The following BMPR1B variants were observed in gnomAD, a reference collection of about 807,000 sequenced individuals.
BMPR1B encodes the protein bone morphogenetic protein receptor type-1B.
BMPR1B carries 12 observed loss-of-function variants against 59.1 expected under a neutral mutation model. The observed-to-expected ratio is 0.20, with a 90% CI of 0.13 to 0.33. The LOEUF is 0.33. Ranked by LOEUF, BMPR1B falls within the 10% of genes least tolerant of loss-of-function variation. The pLI is 1.00. For synonymous variants in BMPR1B, 237 were observed against 207.3 expected (o/e 1.14, Z -1.23); for missense variants, 550 against 610.9 (o/e 0.90, Z 1.05).
chr4:94,975,357 G>GTTTTTTTTT (rs1177887549), intron 2 of BMPR1B, among the ~76,000 whole-genome samples: 3 of 94,220 alleles, frequency 3.2e-5, no homozygotes, highest in Non-Finnish European at 4.0e-5. Flanking sequence ...ATTTCCTTTT[G>GTTTTTTTTT]TTTTTGTTTT....
chr4:94,766,202 G>A (rs1461442290), intron 1 of BMPR1B, among the ~76,000 whole-genome samples: 1 of 151,988 alleles, frequency 6.6e-6, no homozygotes, highest in African/African-American at 2.4e-5. Context: ...CCCCAAAAGT[G>A]GTATTTGATC....
chr4:94,991,215 C>T (rs1423621909), intron 2 of BMPR1B, among the ~76,000 whole-genome samples: 1 of 152,110 alleles, frequency 6.6e-6, no homozygotes, highest in Non-Finnish European at 1.5e-5. Context: ...AGTCTTTATG[C>T]CCTTGTCTTC....
chr4:95,148,863 G>A lies in BMPR1B; in HGVS notation c.1192G>A (p.Ala398Thr), dbSNP rs1276820746. The A allele has an allele frequency of 1.9e-6, 3 of 1,614,030 alleles. No homozygotes were observed. The highest frequency in any genetic ancestry group is 3.3e-5 in the Admixed American group (2 of 59,990). Residue 398 changes from alanine (A) to threonine (T), a missense_variant, in exon 11 of 13, where the codon GCT becomes ACT. Ala to Thr is a moderately conservative substitution (Grantham distance 58). Transcript: ENST00000515059. ...AAATCACTTCCAGTCTTACATCATG[G>A]CTGACATGTATAGTTTTGGCCTCAT... ...NRNHFQSYIM[A>T]DMYSFGLILW...
At position 95,102,248 on chromosome 4, in the gene BMPR1B, C is replaced by T. The variant is rs115346974; in HGVS notation, c.-17-2160C>T. ...TAAAATGTTTCTTAGAAAATAGCAT[C>T]TTACTTCCAATCACATGAGGATATT... is the stretch of plus-strand genomic sequence containing the variant. On this transcript the variant is annotated intron_variant, in intron 3 of 12. Transcript: ENST00000515059. Among the ~76,000 whole-genome samples, 556 of 152,266 alleles carry T rather than the reference C, an allele frequency of 3.7e-3. 2 individuals are homozygous for T. Among genetic ancestry groups the T allele is most frequent in the African/African-American group, 0.013 (529 of 41,548 alleles).
At chr4:95,010,246 T>A (rs555613055) in intron 3 of BMPR1B, among the ~76,000 whole-genome samples, 204 of 152,322 alleles carry the variant, frequency 1.3e-3, no homozygotes, top group African/African-American at 4.9e-3. Context: ...CATATTGCTG[T>A]TATTCTGTAC....
intron 3 of BMPR1B, among the ~76,000 whole-genome samples, chr4:95,086,998 CTTTTTTTTTTTTT>C (rs34460668): frequency 9.7e-6 from 1 of 103,104 alleles, no homozygotes; most frequent in African/African-American, 4.1e-5. Flanking sequence ...TCATATCCTT[CTTTTTTTTTTTTT>C]TTTTTTTTTT....
intron 1 of BMPR1B, among the ~76,000 whole-genome samples, chr4:94,844,814 A>G (rs1328490703): frequency 6.6e-6 from 1 of 152,256 alleles, no homozygotes; most frequent in African/African-American, 2.4e-5. Flanking sequence ...AATCAATTTC[A>G]TATTGATCAC....
intron 2 of BMPR1B, among the ~76,000 whole-genome samples, chr4:94,907,449 A>C (rs910572071): frequency 1.4e-4 from 21 of 152,080 alleles, no homozygotes; most frequent in Admixed American, 1.4e-3. Flanking sequence ...AGGAGCTTTC[A>C]GTTCAGCACT....
intron 1 of BMPR1B, among the ~76,000 whole-genome samples, 166 bp from the exon 2 acceptor site, chr4:94,875,665 T>C (rs13133160): frequency 0.18 from 26,763 of 152,110 alleles, 2,464 homozygotes; most frequent in South Asian, 0.22. Flanking sequence ...GCCTGGGCGA[T>C]GGAGCGAGAC....
intron 3 of BMPR1B, among the ~76,000 whole-genome samples, chr4:95,026,899 T>A (rs1203040901): frequency 2.0e-5 from 3 of 151,826 alleles, no homozygotes; most frequent in Non-Finnish European, 4.4e-5. Context: ...TAGCTGGGAC[T>A]AAAGGCATGC....
intron 2 of BMPR1B, among the ~76,000 whole-genome samples, chr4:94,985,789 T>C (rs1721370007): frequency 1.3e-5 from 2 of 152,174 alleles, no homozygotes; most frequent in African/African-American, 4.8e-5. Context: ...TTACCTGCTT[T>C]GAAGTTCACT....
intron 2 of BMPR1B, among the ~76,000 whole-genome samples, chr4:94,993,443 T>G (rs1721869323): frequency 6.6e-6 from 1 of 152,148 alleles, no homozygotes; most frequent in Non-Finnish European, 1.5e-5. Context: ...AAAATTCAAC[T>G]AATGCATTAA....
At chr4:95,114,929 T>A in intron 5 of BMPR1B, 107 bp downstream of exon 5, 3 of 1,053,254 alleles carry the variant, frequency 2.8e-6, no homozygotes, top group Non-Finnish European at 4.5e-6. Context: ...TTTAGTATAG[T>A]CATGAGCTGC....
chr4:94,940,585 C>G (rs1729474307), intron 2 of BMPR1B, among the ~76,000 whole-genome samples: 1 of 152,132 alleles, frequency 6.6e-6, no homozygotes, highest in Non-Finnish European at 1.5e-5. Flanking sequence ...TACGTGTAAG[C>G]TGTGTTCATT....
At chr4:95,020,633 G>A (rs898451921) in intron 3 of BMPR1B, among the ~76,000 whole-genome samples, 4 of 151,826 alleles carry the variant, frequency 2.6e-5, no homozygotes, top group Non-Finnish European at 4.4e-5. Context: ...TAATATTGCT[G>A]GGATTGAGAA....
chr4:94,999,867 A>G (rs1450266810), intron 3 of BMPR1B, among the ~76,000 whole-genome samples: 5 of 152,216 alleles, frequency 3.3e-5, no homozygotes, highest in African/African-American at 1.2e-4. Context: ...GAAAGGTGAT[A>G]TTCCATTTCA....
chr4:94,839,473 G>A (rs1258748329), intron 1 of BMPR1B, among the ~76,000 whole-genome samples: 73 of 147,866 alleles, frequency 4.9e-4, no homozygotes, highest in Non-Finnish European at 7.1e-4. Flanking sequence ...ATTTAGGATA[G>A]TTAACTCTTC....
At chr4:95,095,646 A>G (rs1019635637) in intron 3 of BMPR1B, among the ~76,000 whole-genome samples, 3 of 152,136 alleles carry the variant, frequency 2.0e-5, no homozygotes, top group African/African-American at 7.2e-5. Flanking sequence ...ATAAAGGAAG[A>G]TAGATTATTA....
intron 1 of BMPR1B, among the ~76,000 whole-genome samples, chr4:94,869,095 AACACACACACACAC>A (rs59407857): frequency 0.019 from 2,806 of 144,610 alleles, 74 homozygotes; most frequent in African/African-American, 0.06. Flanking sequence ...TTTACTATCA[AACACACACACACAC>A]ACACACACAC....
Sources: allele counts gnomAD v4.1 joint callset (sites outside exome capture counted in the v4.1 genomes callset), GRCh38; gene constraint gnomAD v4.1.1; transcripts MANE v1.5; gene names NCBI Gene and HGNC (gene_info 2026-07-23, HGNC 2026-07-21).